SH3PXD2B: variants seen among roughly 807,000 people sequenced by gnomAD.
SH3PXD2B encodes SH3 and PX domain-containing protein 2B.
SH3PXD2B carries 37 observed loss-of-function variants against 73.1 expected under a neutral mutation model. The ratio of observed to expected loss-of-function variants is 0.51; its 90% confidence interval spans 0.39 to 0.67. The LOEUF (loss-of-function observed/expected upper bound fraction) is 0.67. Ranked by LOEUF, SH3PXD2B falls within the 30% of genes least tolerant of loss-of-function variation. SH3PXD2B has a pLI of 0.00. For synonymous variants in SH3PXD2B, 457 were observed against 480.5 expected (o/e 0.95, Z 0.64); for missense variants, 1,053 against 1,197.8 (o/e 0.88, Z 1.78).
intron 4 of SH3PXD2B, among the ~76,000 whole-genome samples, chr5:172,388,425 C>A (rs1283839974): frequency 6.6e-6 from 1 of 152,088 alleles, no homozygotes; most frequent in East Asian, 1.9e-4. Flanking sequence ...TGAAGCTGAG[C>A]CCAGGAAATC....
At chr5:172,411,810 T>A (rs546759421) in intron 2 of SH3PXD2B, among the ~76,000 whole-genome samples, 7 of 151,692 alleles carry the variant, frequency 4.6e-5, no homozygotes, top group East Asian at 3.9e-4. Context: ...TTTTTTTTTT[T>A]AATCGTGTTA....
intron 12 of SH3PXD2B, 27 bp downstream of exon 12, chr5:172,346,109 A>G: frequency 2.5e-6 from 4 of 1,613,828 alleles, no homozygotes; most frequent in Non-Finnish European, 3.4e-6. Flanking sequence ...AATCACAAGT[A>G]GGCAAAGGAA....
chr5:172,325,387 G>T (rs1239038118), intron 12 of SH3PXD2B: 13 of 1,523,594 alleles, frequency 8.5e-6, no homozygotes, highest in Non-Finnish European at 1.1e-5. Flanking sequence ...GATCCTAGAT[G>T]AATGCAGGGA....
Position 172,338,541 on chromosome 5 carries a change from T to C in SH3PXD2B, c.2564A>G (p.Tyr855Cys), listed in dbSNP as rs919197314. The C allele has an allele frequency of 1.9e-6, 3 of 1,614,044 alleles. No homozygotes were observed. Among genetic ancestry groups the C allele is most frequent in the African/African-American group, 1.3e-5 (1 of 74,934 alleles). Residue 855 changes from tyrosine (Y) to cysteine (C), a missense_variant, in exon 13 of 13, where the codon TAT (tyrosine) becomes TGT (cysteine). Physicochemically the swap from Tyr to Cys is radical, Grantham distance 194. Around this residue, in one of 2 missense-constraint regions of SH3PXD2B, gnomAD observed 587 missense variants for 590.7 expected, o/e 0.99. Transcript: ENST00000311601. The surrounding 1 kb of genome is among the most constrained non-coding windows in gnomAD (Gnocchi z 5.1). Reference protein sequence around the residue: ...PNADGLKDSLYVAVADFEGDK... With the variant: ...PNADGLKDSLCVAVADFEGDK... ...TCCTTCAAAGTCGGCCACGGCCACA[T>C]ACAAAGAGTCCTTCAGGCCGTCGGC...
chr5:172,379,296 C>T (rs1427403662), intron 5 of SH3PXD2B, among the ~76,000 whole-genome samples: 1 of 141,190 alleles, frequency 7.1e-6, no homozygotes, highest in African/African-American at 2.8e-5. Context: ...TAGCCAGACC[C>T]TGTCTCTACA....
At position 172,454,425 on chromosome 5, in the gene SH3PXD2B, G is replaced by C. The variant is rs2113531243; in HGVS notation, c.-73C>G. 3 of 952,592 alleles carry C rather than the reference G, an allele frequency of 3.1e-6. No individual in the cohort carries two copies. The highest frequency in any genetic ancestry group is 4.0e-6 in the Non-Finnish European group (3 of 757,626). The allele number at this position is 952,592 out of a possible 1,614,324, so 59.0% of individuals were successfully genotyped here. ...GGGGTGCAGGGAGCGCTGGGGGCGC[G>C]CCGCCGCGGGCAGGGAACCTGGAGC... On this transcript the variant is annotated 5_prime_UTR_variant, in exon 1 of 13. Transcript: ENST00000311601.
At chr5:172,327,459 G>C (rs1756467199) in intron 12 of SH3PXD2B, among the ~76,000 whole-genome samples, 1 of 152,152 alleles carries the variant, frequency 6.6e-6, no homozygotes, top group African/African-American at 2.4e-5. Context: ...ACAAGCCACT[G>C]GGGCACACTG....
chr5:172,405,054 G>C (rs1397105928), intron 3 of SH3PXD2B, among the ~76,000 whole-genome samples: 1 of 152,240 alleles, frequency 6.6e-6, no homozygotes, highest in Non-Finnish European at 1.5e-5. Flanking sequence ...ACAGTAGGGA[G>C]CTATTATTAT....
intron 11 of SH3PXD2B, 65 bp downstream of exon 11, chr5:172,347,218 G>T: frequency 1.3e-6 from 2 of 1,499,178 alleles, no homozygotes; most frequent in Non-Finnish European, 1.9e-6. Context: ...TGTGTGAGGG[G>T]CTAGTGGACA....
intron 6 of SH3PXD2B, among the ~76,000 whole-genome samples, chr5:172,369,806 C>A (rs1757662605): frequency 6.6e-6 from 1 of 151,370 alleles, no homozygotes; most frequent in South Asian, 2.1e-4. Flanking sequence ...CCAACCCCTC[C>A]CCACCCCGCC....
intron 2 of SH3PXD2B, among the ~76,000 whole-genome samples, chr5:172,415,716 C>T (rs969087882): frequency 6.6e-6 from 1 of 152,216 alleles, no homozygotes; most frequent in Non-Finnish European, 1.5e-5. Flanking sequence ...CTGGGCACTC[C>T]AGTCATCCCC....
At chr5:172,417,082 T>C (rs1758843120) in intron 2 of SH3PXD2B, among the ~76,000 whole-genome samples, 1 of 152,096 alleles carries the variant, frequency 6.6e-6, no homozygotes, top group Non-Finnish European at 1.5e-5. Flanking sequence ...GCAGACTGTT[T>C]CCTCTGCCTG....
chr5:172,415,113 T>C (rs566129805), intron 2 of SH3PXD2B, among the ~76,000 whole-genome samples: 43 of 152,318 alleles, frequency 2.8e-4, no homozygotes, highest in African/African-American at 9.4e-4. Flanking sequence ...CAGAGATCCA[T>C]CTGGGTCCCT....
At chr5:172,382,471 G>C (rs1315515373) in intron 4 of SH3PXD2B, among the ~76,000 whole-genome samples, 3 of 151,916 alleles carry the variant, frequency 2.0e-5, no homozygotes, top group Non-Finnish European at 2.9e-5. Flanking sequence ...CCCCACCCGA[G>C]TTTCTGATCC....
downstream of SH3PXD2B, among the ~76,000 whole-genome samples, chr5:172,329,202 T>C (rs1756507715): frequency 6.7e-6 from 1 of 149,672 alleles, no homozygotes; most frequent in African/African-American, 2.5e-5. Flanking sequence ...TGACTCAGCC[T>C]CCTGAGTAGC....
chr5:172,392,066 T>C (rs375150479), intron 4 of SH3PXD2B, among the ~76,000 whole-genome samples: 27 of 151,992 alleles, frequency 1.8e-4, no homozygotes, highest in African/African-American at 5.6e-4. Context: ...TGCATATGTA[T>C]AGCTGTTGTG....
At chr5:172,426,672 G>C (rs971137262) in intron 1 of SH3PXD2B, among the ~76,000 whole-genome samples, 6 of 152,168 alleles carry the variant, frequency 3.9e-5, no homozygotes, top group African/African-American at 1.4e-4. Flanking sequence ...TCAGGGATGG[G>C]CACAAGACGG....
chr5:172,408,952 G>T (rs922037749), intron 2 of SH3PXD2B, among the ~76,000 whole-genome samples: 2 of 152,142 alleles, frequency 1.3e-5, no homozygotes. Context: ...GTAGTGATCA[G>T]ATCAGCATAT....
chr5:172,349,155 G>GC (rs796165581), intron 10 of SH3PXD2B, among the ~76,000 whole-genome samples: 21 of 152,390 alleles, frequency 1.4e-4, no homozygotes, highest in African/African-American at 4.8e-4. Flanking sequence ...CCCTGCCACA[G>GC]CATGTGAGAA....
Sources: allele counts gnomAD v4.1 joint callset (sites outside exome capture counted in the v4.1 genomes callset), GRCh38; gene constraint gnomAD v4.1.1; regional missense constraint gnomAD v4.1.1; non-coding constraint Gnocchi (gnomAD v3.1); transcripts MANE v1.5; gene names NCBI Gene and HGNC (gene_info 2026-07-23, HGNC 2026-07-21).